The following TTLL1 variants were observed in gnomAD, a reference collection of about 807,000 sequenced individuals.
TTLL1 encodes TTL family tubulin polyglutamylase complex subunit L1.
In TTLL1, 33 loss-of-function variants were observed where a neutral mutation model predicts 47.8. That is an observed-to-expected ratio of 0.69 (90% CI 0.52 to 0.92). The LOEUF (loss-of-function observed/expected upper bound fraction) is 0.92, where lower values mean the gene tolerates loss of function less well. Ranked by LOEUF, TTLL1 falls within the 40% of genes least tolerant of loss-of-function variation. TTLL1 has a pLI of 0.00. For missense variants in TTLL1, 488 were observed against 547.5 expected (o/e 0.89, Z 1.08); for synonymous variants, 225 against 214.1 (o/e 1.05, Z -0.45).
intron 5 of TTLL1, among the ~76,000 whole-genome samples, chr22:43,065,006 A>G (rs773604568): frequency 6.6e-6 from 1 of 151,670 alleles, no homozygotes; most frequent in South Asian, 2.1e-4. Context: ...ATAGCCAGGC[A>G]TGGGGGCGGG....
At chr22:43,082,986 C>T (rs888392415) in intron 1 of TTLL1, among the ~76,000 whole-genome samples, 1 of 151,696 alleles carries the variant, frequency 6.6e-6, no homozygotes, top group African/African-American at 2.4e-5. Flanking sequence ...TGCACTCCAG[C>T]CTTGGTGACA....
chr22:43,045,111 T>C (rs1475922795), intron 10 of TTLL1, among the ~76,000 whole-genome samples: 2 of 152,194 alleles, frequency 1.3e-5, no homozygotes, highest in Non-Finnish European at 2.9e-5. Context: ...TCCACCTGCC[T>C]TGGCCTCCTG....
intron 8 of TTLL1, among the ~76,000 whole-genome samples, chr22:43,055,004 G>A (rs1214056442): frequency 6.6e-6 from 1 of 150,844 alleles, no homozygotes; most frequent in Non-Finnish European, 1.5e-5. Context: ...GATTACAGGT[G>A]TGAGCCACCG....
At chr22:43,051,981 C>T (rs1373058433) in intron 8 of TTLL1, 94 bp from the exon 9 acceptor site, 9 of 1,138,616 alleles carry the variant, frequency 7.9e-6, no homozygotes, top group Non-Finnish European at 9.3e-6. Context: ...TCCCACGTCC[C>T]GACCTCCCAC....
At chr22:43,070,832 C>T (rs537013538) in intron 3 of TTLL1, among the ~76,000 whole-genome samples, 5 of 152,098 alleles carry the variant, frequency 3.3e-5, no homozygotes, top group Non-Finnish European at 4.4e-5. Flanking sequence ...GATTCTCTAA[C>T]GGTTCAAGAC....
chr22:43,088,822 C>T (rs1929423031), intron 1 of TTLL1, among the ~76,000 whole-genome samples: 1 of 152,178 alleles, frequency 6.6e-6, no homozygotes, highest in Admixed American at 6.6e-5. Context: ...ACTACCCCGC[C>T]CTGCCCTCTT....
intron 1 of TTLL1, among the ~76,000 whole-genome samples, chr22:43,087,400 T>C (rs959795989): frequency 1.3e-5 from 2 of 151,066 alleles, no homozygotes; most frequent in Non-Finnish European, 2.9e-5. Flanking sequence ...GGTGCACATC[T>C]GTAATCCCAG....
At chr22:43,087,539 A>G (rs1469715020) in intron 1 of TTLL1, among the ~76,000 whole-genome samples, 3 of 150,810 alleles carry the variant, frequency 2.0e-5, no homozygotes, top group Non-Finnish European at 2.9e-5. Flanking sequence ...AAAAAAAAAA[A>G]AGAAATACAG....
At chr22:43,078,063 C>T (rs1026179540) in intron 2 of TTLL1, among the ~76,000 whole-genome samples, 6 of 151,356 alleles carry the variant, frequency 4.0e-5, no homozygotes, top group South Asian at 2.1e-4. Context: ...GCCAGGATGA[C>T]GCCACTGCAC....
chr22:43,071,749 C>G (rs943726050), intron 3 of TTLL1, among the ~76,000 whole-genome samples: 4 of 152,212 alleles, frequency 2.6e-5, no homozygotes, highest in Non-Finnish European at 5.9e-5. Flanking sequence ...TGGGGCAGGG[C>G]TCAGCTGAGC....
intron 9 of TTLL1, among the ~76,000 whole-genome samples, chr22:43,048,181 G>C (rs996715256): frequency 6.6e-6 from 1 of 151,980 alleles, no homozygotes; most frequent in African/African-American, 2.4e-5. Flanking sequence ...GCCAAGTGTG[G>C]TGGCAGGCGC....
At chr22:43,064,918 G>C (rs1027813386) in intron 5 of TTLL1, among the ~76,000 whole-genome samples, 3 of 152,038 alleles carry the variant, frequency 2.0e-5, no homozygotes, top group African/African-American at 7.2e-5. Flanking sequence ...GGCCGAGGCG[G>C]GTGGATCACC....
intron 5 of TTLL1, among the ~76,000 whole-genome samples, chr22:43,068,010 T>A (rs1034732830): frequency 6.8e-6 from 1 of 146,114 alleles, no homozygotes; most frequent in African/African-American, 2.5e-5. Flanking sequence ...GAGATGGAGT[T>A]TCGCCATCTT....
chr22:43,089,115 G>A (rs1164608810), intron 1 of TTLL1, among the ~76,000 whole-genome samples, 162 bp downstream of exon 1: 6 of 152,178 alleles, frequency 3.9e-5, no homozygotes, highest in Admixed American at 6.5e-5. Flanking sequence ...GTTAGCGCGG[G>A]CTTCCTGGAG....
In TTLL1 at chr22:43,048,282, G is replaced by A. The variant is rs1021082408; in HGVS notation, c.979-1709C>T. 8.6e-5 allele frequency among the ~76,000 whole-genome samples: 13 copies of A among 151,208 alleles called. No individual in the cohort carries two copies. The South Asian group carries it at 1.0e-3, about 12-fold the overall frequency. ...CAGTGAGCTGAGATCACGCCACTGC[G>A]CTCCAGCCTGGGTCACAGAGTGAGA... On this transcript the variant is annotated intron_variant, in intron 9 of 10. Transcript: ENST00000266254.
chr22:43,060,482 G>A (rs1245045759), intron 7 of TTLL1, among the ~76,000 whole-genome samples: 1 of 139,262 alleles, frequency 7.2e-6, no homozygotes, highest in Admixed American at 7.6e-5. Context: ...TCTTTCCTGG[G>A]GAAGCCAACC....
At chr22:43,073,721 G>A (rs1282033666) in intron 3 of TTLL1, among the ~76,000 whole-genome samples, 2 of 151,322 alleles carry the variant, frequency 1.3e-5, no homozygotes, top group Non-Finnish European at 2.9e-5. Context: ...CCCCCATACT[G>A]TTTAACATTT....
At chr22:43,061,764 C>T (rs1011165638) in intron 7 of TTLL1, among the ~76,000 whole-genome samples, 21 of 152,162 alleles carry the variant, frequency 1.4e-4, no homozygotes, top group African/African-American at 5.1e-4. Context: ...TCCTTTCAGC[C>T]CCTGTAATGC....
intron 9 of TTLL1, 76 bp downstream of exon 9, chr22:43,051,725 G>T: frequency 1.4e-6 from 2 of 1,399,630 alleles, no homozygotes; most frequent in Non-Finnish European, 2.0e-6. Flanking sequence ...CTGGGGGACT[G>T]CTGGGCCCGA....
Sources: allele counts gnomAD v4.1 joint callset (sites outside exome capture counted in the v4.1 genomes callset), GRCh38; gene constraint gnomAD v4.1.1; transcripts MANE v1.5; gene names NCBI Gene and HGNC (gene_info 2026-07-23, HGNC 2026-07-21).